Variants in CGRRF1 observed in about 807,000 individuals in gnomAD.
CGRRF1 encodes cell growth regulator with ring finger domain 1, also known as cell growth regulator with RING finger domain protein 1.
Under a neutral mutation model 37.2 loss-of-function variants are expected in CGRRF1, and 32 were observed. That is an observed-to-expected ratio of 0.86 (90% CI 0.65 to 1.16). The LOEUF (loss-of-function observed/expected upper bound fraction) is 1.16, where lower values mean the gene tolerates loss of function less well. Ranked by LOEUF, CGRRF1 falls within the 50% of genes most tolerant of loss-of-function variation. CGRRF1 has a pLI of 0.00. For synonymous variants in CGRRF1, 141 were observed against 140.3 expected (o/e 1.00, Z -0.04); for missense variants, 391 against 382.6 (o/e 1.02, Z -0.18).
chr14:54,514,777 C>T (rs895971928), intron 1 of CGRRF1, among the ~76,000 whole-genome samples: 4 of 152,166 alleles, frequency 2.6e-5, no homozygotes, highest in Non-Finnish European at 5.9e-5. Flanking sequence ...TATCAGCATT[C>T]CCCCACATTT....
intron 4 of CGRRF1, among the ~76,000 whole-genome samples, chr14:54,533,893 T>C (rs1415759469): frequency 6.6e-6 from 1 of 152,150 alleles, no homozygotes; most frequent in Admixed American, 6.5e-5. Flanking sequence ...TAATCTGTAT[T>C]CTATCATCCA....
At chr14:54,518,965 G>A (rs571633793) in intron 1 of CGRRF1, among the ~76,000 whole-genome samples, 6 of 151,874 alleles carry the variant, frequency 4.0e-5, no homozygotes, top group Non-Finnish European at 5.9e-5. Flanking sequence ...TGTTTGGGAC[G>A]GAGTTTCACT....
rs773772495 is a variant in CGRRF1, at chr14:54,522,617, T to A, written c.244+24T>A. The A allele has an allele frequency of 8.9e-6, 14 of 1,570,264 alleles. No individual in the cohort carries two copies. The South Asian group carries it at 1.7e-4, about 19-fold the overall frequency. ...AAGTTGGTGGCTGTTTTCCAAAGATTTTCTCTCATTGTTTGCCCTCTTTTT... is the reference window on the plus strand; with the variant it reads ...AAGTTGGTGGCTGTTTTCCAAAGATATTCTCTCATTGTTTGCCCTCTTTTT... On this transcript the variant is annotated intron_variant, in intron 2 of 5. Coordinates refer to ENST00000216420, the MANE Select transcript of CGRRF1 (RefSeq NM_006568.3).
rs2032621317 is a variant in CGRRF1 at position 54,537,704 on chromosome 14, G to A, written c.571-18G>A. The stretch of plus-strand genomic sequence containing the variant: ...ATAAAGATTTTAAGTACTGACCAGT[G>A]TTCAATTTTTATTTTAGATTTCCAT... On this transcript the variant is annotated intron_variant, in intron 4 of 5. Coordinates refer to ENST00000216420, the MANE Select transcript of CGRRF1 (RefSeq NM_006568.3). 6.5e-7 allele frequency: 1 copy of A among 1,533,896 alleles called. No homozygotes were observed. Among genetic ancestry groups the A allele is most frequent in the Non-Finnish European group, 8.7e-7 (1 of 1,145,608 alleles).
chr14:54,525,203 A>G (rs2032392905), intron 2 of CGRRF1, among the ~76,000 whole-genome samples: 1 of 152,246 alleles, frequency 6.6e-6, no homozygotes, highest in South Asian at 2.1e-4. Context: ...TCCTTCCTGC[A>G]GTACAGTTCC....
intron 1 of CGRRF1, among the ~76,000 whole-genome samples, chr14:54,521,322 A>G (rs1015231007): frequency 7.9e-5 from 12 of 151,778 alleles, no homozygotes; most frequent in African/African-American, 2.7e-4. Flanking sequence ...TTACCTGGGC[A>G]TGGTGGCACA....
At chr14:54,533,602 G>A (rs2032554377) in intron 4 of CGRRF1, among the ~76,000 whole-genome samples, 2 of 151,602 alleles carry the variant, frequency 1.3e-5, no homozygotes, top group African/African-American at 2.4e-5. Flanking sequence ...TTTCAGTATT[G>A]TATGTGCGTG....
intron 2 of CGRRF1, among the ~76,000 whole-genome samples, chr14:54,526,329 T>A (rs1292555804): frequency 6.6e-6 from 1 of 151,608 alleles, no homozygotes; most frequent in Non-Finnish European, 1.5e-5. Flanking sequence ...TTTTGTATTT[T>A]TAGTAGAGAC....
intron 1 of CGRRF1, among the ~76,000 whole-genome samples, chr14:54,519,256 G>T (rs747918189): frequency 4.7e-5 from 7 of 148,556 alleles, no homozygotes; most frequent in Non-Finnish European, 6.0e-5. Flanking sequence ...TTTTTTTTTT[G>T]AGACAGAATC....
In CGRRF1 at chr14:54,534,587, T is replaced by A. The variant is rs372059969; in HGVS notation, c.571-3135T>A. On this transcript the variant is annotated intron_variant, in intron 4 of 5. Transcript: ENST00000216420. ...AATGTAGGGTTTTAAAACTTTTTATTTGTACATAATTTCAAAAAGTTGCAA... is the reference window on the plus strand; with the variant it reads ...AATGTAGGGTTTTAAAACTTTTTATATGTACATAATTTCAAAAAGTTGCAA... Among the ~76,000 whole-genome samples, 132 of 152,352 alleles carry A rather than the reference T, an allele frequency of 8.7e-4. 3 individuals carry two copies. In the South Asian group the frequency reaches 0.021, roughly 25 times the overall value.
intron 4 of CGRRF1, among the ~76,000 whole-genome samples, chr14:54,534,125 GT>G (rs1251568374): frequency 9.4e-5 from 14 of 148,250 alleles, no homozygotes; most frequent in Non-Finnish European, 1.5e-4. Flanking sequence ...GACAAAATTG[GT>G]TTTTTTTTTG....
At position 54,538,132 on chromosome 14, in the gene CGRRF1, G is replaced by A; in HGVS notation, c.748G>A (p.Asp250Asn). 6.2e-7 allele frequency: 1 copy of A among 1,613,988 alleles called. No homozygotes were observed. Among genetic ancestry groups the A allele is most frequent in the South Asian group, 1.1e-5 (1 of 91,078 alleles). Residue 250 changes from aspartate (D) to asparagine (N), a missense_variant, in exon 6 of 6, where the codon GAC becomes AAC. Transcript: ENST00000216420. ...NNSSSEEKNT[D>N]RSLLEKVGLS... ...TTCCTCTTCAGAAGAAAAAAACACA[G>A]ACAGAAGTTTGTTGGAAAAGGTGGG...
intron 2 of CGRRF1, among the ~76,000 whole-genome samples, chr14:54,528,368 G>T (rs547337888): frequency 6.6e-6 from 1 of 151,562 alleles, no homozygotes; most frequent in South Asian, 2.1e-4. Flanking sequence ...CATTTAATCC[G>T]CATTGATGAA....
At chr14:54,513,349 G>A (rs1172601276) in intron 1 of CGRRF1, among the ~76,000 whole-genome samples, 2 of 152,224 alleles carry the variant, frequency 1.3e-5, no homozygotes, top group South Asian at 2.1e-4. Flanking sequence ...GCGCTTGACT[G>A]TTAATGGCAG....
At position 54,539,033 on chromosome 14, in the gene CGRRF1, GATA is replaced by G. The variant is rs1407033559; in HGVS notation, c.*655_*657del. On this transcript the variant is annotated 3_prime_UTR_variant, in exon 6 of 6. Transcript: ENST00000216420. ...ATAGGAGGCAGATATATAAAATTCG[GATA>G]ATAAGATTTTTTGGATAATTAAATT... 3.9e-5 allele frequency: 6 copies of G among 152,216 alleles called. No individual in the cohort carries two copies. Among genetic ancestry groups the G allele is most frequent in the East Asian group, 1.9e-4 (1 of 5,168 alleles). The allele number at this position is 152,216 out of a possible 1,614,324, so 9.4% of individuals were successfully genotyped here.
At position 54,539,104 on chromosome 14, in the gene CGRRF1, A is replaced by T. The variant is rs940033847; in HGVS notation, c.*721A>T. 2 of 152,318 alleles carry T rather than the reference A, an allele frequency of 1.3e-5. No homozygotes were observed. The highest frequency in any genetic ancestry group is 2.1e-4 in the South Asian group (1 of 4,824). 9.4% of individuals were successfully genotyped at this position (152,318 alleles called of 1,614,324 possible). ...AGTGTGATTAGATTAGCAGAATGTG[A>T]TCTCCAGGGAAGATCTGTGAGACCT... On this transcript the variant is annotated 3_prime_UTR_variant, in exon 6 of 6. Transcript: ENST00000216420.
intron 4 of CGRRF1, among the ~76,000 whole-genome samples, chr14:54,535,498 T>C (rs2032586502): frequency 6.6e-6 from 1 of 152,172 alleles, no homozygotes; most frequent in African/African-American, 2.4e-5. Context: ...GATGTGTCCT[T>C]TTCAGAGTGC....
At chr14:54,515,010 C>T (rs764618906) in intron 1 of CGRRF1, among the ~76,000 whole-genome samples, 5 of 151,608 alleles carry the variant, frequency 3.3e-5, no homozygotes, top group Non-Finnish European at 5.9e-5. Flanking sequence ...GTTTTATAAT[C>T]CAAATATATT....
intron 1 of CGRRF1, among the ~76,000 whole-genome samples, chr14:54,517,566 C>T (rs1370709862): frequency 6.6e-6 from 1 of 151,976 alleles, no homozygotes; most frequent in Non-Finnish European, 1.5e-5. Context: ...ACTGTTTATC[C>T]ACTTTGCAAT....
Sources: gnomAD v4.1 joint callset for allele counts (sites outside exome capture counted in the v4.1 genomes callset) on GRCh38, gnomAD v4.1.1 for gene constraint, MANE v1.5 for transcripts, NCBI Gene and HGNC (gene_info 2026-07-23, HGNC 2026-07-21) for gene names.